Variants in SLC30A8 observed in about 807,000 individuals in gnomAD.
SLC30A8 encodes the protein proton-coupled zinc antiporter SLC30A8.
SLC30A8 carries 27 observed loss-of-function variants against 36.9 expected under a neutral mutation model. The observed-to-expected ratio is 0.73, with a 90% CI of 0.54 to 1.01. The LOEUF (loss-of-function observed/expected upper bound fraction) is 1.01, where lower values mean the gene tolerates loss of function less well. Ranked by LOEUF, SLC30A8 falls within the 50% of genes least tolerant of loss-of-function variation. The pLI, the probability that SLC30A8 is intolerant of heterozygous loss-of-function variation, is 0.00. For missense variants in SLC30A8, 439 were observed against 452.0 expected, an observed-to-expected ratio of 0.97 and a Z score of 0.26; for synonymous variants, 164 against 172.4, an observed-to-expected ratio of 0.95 and a Z score of 0.38.
At chr8:116,959,597 ATTAC>A (rs1265498494) in intron 1 of SLC30A8, among the ~76,000 whole-genome samples, 1 of 152,166 alleles carries the variant, frequency 6.6e-6, no homozygotes, top group Non-Finnish European at 1.5e-5. Flanking sequence ...ATGCAGTTAC[ATTAC>A]TTAGAAACCA....
chr8:117,042,673 CTTTT>C (rs772490785), intron 2 of SLC30A8, among the ~76,000 whole-genome samples: 1 of 140,560 alleles, frequency 7.1e-6, no homozygotes, highest in Non-Finnish European at 1.6e-5. Flanking sequence ...GAATTTAGTG[CTTTT>C]TTTTTTTTTT....
intron 1 of SLC30A8, among the ~76,000 whole-genome samples, chr8:117,142,599 G>GA (rs1411978819): frequency 6.6e-6 from 1 of 152,120 alleles, no homozygotes; most frequent in Non-Finnish European, 1.5e-5. Flanking sequence ...ACTTGAACAA[G>GA]AAAATCCTTC....
chr8:117,012,747 A>G (rs1219889984), intron 1 of SLC30A8, among the ~76,000 whole-genome samples: 4 of 150,464 alleles, frequency 2.7e-5, no homozygotes, highest in Admixed American at 2.6e-4. Flanking sequence ...ACACACACAC[A>G]CACACACACA....
intron 2 of SLC30A8, among the ~76,000 whole-genome samples, chr8:117,100,215 A>G (rs1411793817): frequency 2.0e-5 from 3 of 152,312 alleles, no homozygotes; most frequent in East Asian, 1.9e-4. Flanking sequence ...AGTATTTACA[A>G]AAATTTTAGT....
chr8:117,025,853 T>TGATGG (rs1316076206), intron 1 of SLC30A8, among the ~76,000 whole-genome samples: 1 of 152,242 alleles, frequency 6.6e-6, no homozygotes, highest in African/African-American at 2.4e-5. Context: ...TGGATGCTCT[T>TGATGG]CTTAGGAGAA....
At chr8:117,150,751 G>T (rs1053614874) in intron 2 of SLC30A8, among the ~76,000 whole-genome samples, 1 of 151,954 alleles carries the variant, frequency 6.6e-6, no homozygotes, top group Non-Finnish European at 1.5e-5. Context: ...GACTACAGTC[G>T]CCTGCCACCA....
chr8:117,085,245 A>C (rs1818828961), intron 2 of SLC30A8, among the ~76,000 whole-genome samples: 1 of 152,272 alleles, frequency 6.6e-6, no homozygotes, highest in Admixed American at 6.5e-5. Context: ...GGTGGGAAAA[A>C]CTAAAGATTA....
chr8:117,130,156 T>TGCTTGTGGTTGTGCTTCCA (rs1821068572), upstream of SLC30A8: 1 of 152,008 alleles, frequency 6.6e-6, no homozygotes, highest in Admixed American at 6.6e-5. Flanking sequence ...GAATTAGTTG[T>TGCTTGTGGTTGTGCTTCCA]AACGCCTTGT....
At chr8:116,960,120 G>A (rs1263535717) in intron 1 of SLC30A8, among the ~76,000 whole-genome samples, 1 of 152,186 alleles carries the variant, frequency 6.6e-6, no homozygotes, top group Non-Finnish European at 1.5e-5. Context: ...GTTGCCTAAT[G>A]TGTTCAAAAC....
At chr8:117,069,798 G>A (rs761267714) in intron 2 of SLC30A8, among the ~76,000 whole-genome samples, 9 of 152,278 alleles carry the variant, frequency 5.9e-5, no homozygotes, top group Non-Finnish European at 7.4e-5. Context: ...TGTGCATTGC[G>A]GCACCTTGTT....
In SLC30A8 at chr8:117,006,442, T is replaced by C. The variant is rs371636965; in HGVS notation, c.-265-32777T>C. Among the ~76,000 whole-genome samples, 9 of 152,258 alleles carry C rather than the reference T, an allele frequency of 5.9e-5. No individual in the cohort carries two copies. The South Asian group carries it at 1.9e-3, about 32-fold the overall frequency. Reference sequence around the variant, plus strand: ...AAAGATGTTTCTTTCTTCTTGTGTGTTTCTTTTATTTTACCAGGGAAAAAA... The same window carrying C: ...AAAGATGTTTCTTTCTTCTTGTGTGCTTCTTTTATTTTACCAGGGAAAAAA... On this transcript the variant is annotated intron_variant, in intron 1 of 10. Transcript: ENST00000427715.
At chr8:117,019,772 G>A (rs942956012) in intron 1 of SLC30A8, among the ~76,000 whole-genome samples, 1 of 152,164 alleles carries the variant, frequency 6.6e-6, no homozygotes, top group Non-Finnish European at 1.5e-5. Context: ...CTAGACAGAG[G>A]AAACAATGCA....
chr8:117,008,717 C>T (rs1297925013), intron 1 of SLC30A8, among the ~76,000 whole-genome samples: 2 of 152,204 alleles, frequency 1.3e-5, no homozygotes, highest in East Asian at 3.8e-4. Flanking sequence ...TGGGAAGGAT[C>T]CTTTTACCTC....
At chr8:117,046,870 T>C (rs907185250) in intron 2 of SLC30A8, among the ~76,000 whole-genome samples, 3 of 152,258 alleles carry the variant, frequency 2.0e-5, no homozygotes, top group Non-Finnish European at 4.4e-5. Context: ...AGCTTCCTTT[T>C]ACTTTTTTCT....
At chr8:117,146,221 C>G (rs1821889010) in intron 1 of SLC30A8, among the ~76,000 whole-genome samples, 1 of 151,992 alleles carries the variant, frequency 6.6e-6, no homozygotes, top group Non-Finnish European at 1.5e-5. Context: ...ATTAAATTAT[C>G]ACATGTACCC....
At chr8:117,095,105 A>G (rs1819300370) in intron 2 of SLC30A8, among the ~76,000 whole-genome samples, 1 of 152,166 alleles carries the variant, frequency 6.6e-6, no homozygotes, top group Admixed American at 6.5e-5. Context: ...ATCTGCAGCC[A>G]TGGCTTAGGT....
At chr8:117,071,544 T>A (rs1261417319) in intron 2 of SLC30A8, among the ~76,000 whole-genome samples, 6 of 152,184 alleles carry the variant, frequency 3.9e-5, no homozygotes, top group African/African-American at 1.4e-4. Flanking sequence ...TGCAGAAGAT[T>A]TTTAGTTTGA....
intron 1 of SLC30A8, among the ~76,000 whole-genome samples, chr8:116,954,293 T>TA (rs1451712206): frequency 6.6e-6 from 1 of 152,080 alleles, no homozygotes; most frequent in Admixed American, 6.6e-5. Context: ...TTGATACATT[T>TA]AAGTAGAGAC....
intron 2 of SLC30A8, among the ~76,000 whole-genome samples, chr8:117,047,763 T>G (rs1457198414): frequency 6.6e-6 from 1 of 152,128 alleles, no homozygotes; most frequent in Admixed American, 6.5e-5. Flanking sequence ...ACAGGCATTC[T>G]AAGTCACAGG....
Sources: gnomAD v4.1 joint callset for allele counts (sites outside exome capture counted in the v4.1 genomes callset) on GRCh38, gnomAD v4.1.1 for gene constraint, MANE v1.5 for transcripts, NCBI Gene and HGNC (gene_info 2026-07-23, HGNC 2026-07-21) for gene names.